Variants in FAM204A observed in about 807,000 individuals in gnomAD.
FAM204A encodes family with sequence similarity 204 member A, also known as protein FAM204A.
Under a neutral mutation model 35.4 loss-of-function variants are expected in FAM204A, and 16 were observed. That is an observed-to-expected ratio of 0.45 (90% confidence interval 0.31 to 0.69). The LOEUF is 0.69. FAM204A is among the 30% of genes least tolerant of loss of function. The pLI, the probability that FAM204A is intolerant of heterozygous loss-of-function variation, is 0.07. For synonymous variants in FAM204A, 76 were observed against 86.9 expected (o/e 0.88, Z 0.70); for missense variants, 240 against 265.7 (o/e 0.90, Z 0.67).
At chr10:118,328,106 G>GT (rs764686409) in intron 6 of FAM204A, among the ~76,000 whole-genome samples, 28 of 152,182 alleles carry the variant, frequency 1.8e-4, no homozygotes, top group Non-Finnish European at 3.8e-4. Context: ...TGCACTTGGA[G>GT]TAAGACTGCT....
chr10:118,336,451 T>A, intron 2 of FAM204A, 28 bp from the exon 3 acceptor site: 1 of 1,559,610 alleles, frequency 6.4e-7, no homozygotes, highest in Non-Finnish European at 8.7e-7. Context: ...AATTTACACA[T>A]GTAGAATAAC....
intron 7 of FAM204A, among the ~76,000 whole-genome samples, chr10:118,320,205 C>A (rs572844078): frequency 8.0e-5 from 12 of 149,796 alleles, no homozygotes; most frequent in Admixed American, 4.0e-4. Context: ...TATTAACTTA[C>A]CTGTATTTTA....
intron 3 of FAM204A, 40 bp downstream of exon 3, chr10:118,336,142 A>C (rs755201942): frequency 6.3e-7 from 1 of 1,592,486 alleles, no homozygotes; most frequent in Non-Finnish European, 8.6e-7. Flanking sequence ...GCATGTGCAC[A>C]CACACAGGCT....
rs1242141527 is a variant in FAM204A, at chr10:118,310,838, C to G, written c.*19G>C. The G allele has an allele frequency of 2.5e-6, 4 of 1,590,420 alleles. No individual in the cohort carries two copies. The highest frequency in any genetic ancestry group is 3.4e-6 in the Non-Finnish European group (4 of 1,170,808). ...ATTGAGCATTTGAGTCTACAAATGT[C>G]TTGAAGCACTCTGGCAAGTTACATG... On this transcript the variant is annotated 3_prime_UTR_variant, in exon 9 of 9. Coordinates refer to ENST00000369183, the MANE Select transcript of FAM204A (RefSeq NM_022063.3).
intron 7 of FAM204A, among the ~76,000 whole-genome samples, chr10:118,325,174 A>T (rs1294391243): frequency 6.6e-6 from 1 of 152,226 alleles, no homozygotes; most frequent in African/African-American, 2.4e-5. Flanking sequence ...GCCAAAAAGA[A>T]AAAGACAAAA....
chr10:118,306,562 A>T lies in FAM204A; in HGVS notation c.*4295T>A, dbSNP rs1169446559. ...CATTCTGCATGGCATTTAATAAACT[A>T]TCTCCCAGAAGCCTATAGCTGTGTT... On this transcript the variant is annotated 3_prime_UTR_variant, in exon 9 of 9. Coordinates refer to ENST00000369183, the MANE Select transcript of FAM204A (RefSeq NM_022063.3). 6 of 152,216 alleles carry T rather than the reference A, an allele frequency of 3.9e-5. No individual in the cohort carries two copies. Among genetic ancestry groups the T allele is most frequent in the African/African-American group, 1.4e-4 (6 of 41,458 alleles). 9.4% of individuals were successfully genotyped at this position (152,216 alleles called of 1,614,324 possible). A position where few individuals can be genotyped will look rare whatever the true frequency, so the allele number is the denominator to read the frequency against.
chr10:118,299,919 T>C lies in FAM204A; in HGVS notation c.*10938A>G, dbSNP rs1845790983. On this transcript the variant is annotated 3_prime_UTR_variant, in exon 9 of 9. Coordinates refer to ENST00000369183, the MANE Select transcript of FAM204A (RefSeq NM_022063.3). ...TTCTGCTATCAATAGGAATCTAAAA[T>C]ACTTGAATTGCTTTAATCCTTTGCT... 1 of 152,242 alleles carries C rather than the reference T, an allele frequency of 6.6e-6. No individual in the cohort carries two copies. Among genetic ancestry groups the C allele is most frequent in the South Asian group, 2.1e-4 (1 of 4,834 alleles). The allele number at this position is 152,242 out of a possible 1,614,324, so 9.4% of individuals were successfully genotyped here.
At chr10:118,322,344 C>T (rs1564758567) in intron 7 of FAM204A, 3 of 456,266 alleles carry the variant, frequency 6.6e-6, no homozygotes, top group Non-Finnish European at 1.3e-5. Context: ...AGGAAAGGGA[C>T]AAAGAGACAG....
chr10:118,330,743 AC>A (rs1253802675), intron 6 of FAM204A, among the ~76,000 whole-genome samples: 1 of 152,146 alleles, frequency 6.6e-6, no homozygotes, highest in Non-Finnish European at 1.5e-5. Context: ...CACTCAAAAC[AC>A]TTAGTAAAAC....
intron 7 of FAM204A, among the ~76,000 whole-genome samples, chr10:118,316,563 T>C (rs1194269242): frequency 6.6e-6 from 1 of 152,196 alleles, no homozygotes; most frequent in East Asian, 1.9e-4. Flanking sequence ...GTTTGCACGT[T>C]TGTATACTAC....
At position 118,335,390 on chromosome 10, in the gene FAM204A, A is replaced by G. The variant is rs760594821; in HGVS notation, c.353+6T>C. The G allele has an allele frequency of 3.1e-5, 49 of 1,590,180 alleles. No homozygotes were observed. The highest frequency in any genetic ancestry group is 2.9e-5 in the Non-Finnish European group (34 of 1,167,638). On this transcript the variant is annotated splice_donor_region_variant and intron_variant, in intron 5 of 8. Transcript: ENST00000369183. ...AAAATAGATAACTATTTTAAATTCT[A>G]CCTACCTATGTAATTCTTTTTCATT...
At position 118,309,037 on chromosome 10, in the gene FAM204A, G is replaced by A. The variant is rs1167803481; in HGVS notation, c.*1820C>T. The A allele has an allele frequency of 1.3e-5, 2 of 152,018 alleles. No homozygotes were observed. The highest frequency in any genetic ancestry group is 2.9e-5 in the Non-Finnish European group (2 of 68,030). 9.4% of individuals were successfully genotyped at this position (152,018 alleles called of 1,614,324 possible). A position where few individuals can be genotyped will look rare whatever the true frequency, so the allele number is the denominator to read the frequency against. On this transcript the variant is annotated 3_prime_UTR_variant, in exon 9 of 9. Transcript: ENST00000369183. ...GTATAGTGAATATTTCCCCCATAATGGATTTTTAGAGGAAAGGTTTCTATA... is the reference window on the plus strand; with the variant it reads ...GTATAGTGAATATTTCCCCCATAATAGATTTTTAGAGGAAAGGTTTCTATA...
At chr10:118,321,835 T>C (rs1846123856) in intron 7 of FAM204A, among the ~76,000 whole-genome samples, 1 of 150,516 alleles carries the variant, frequency 6.6e-6, no homozygotes, top group African/African-American at 2.4e-5. Context: ...AAACTGCACA[T>C]AGAAAGGAAA....
chr10:118,325,493 G>GT (rs1430859216), intron 7 of FAM204A, among the ~76,000 whole-genome samples: 1 of 151,748 alleles, frequency 6.6e-6, no homozygotes, highest in Non-Finnish European at 1.5e-5. Flanking sequence ...TCCTAGAAAG[G>GT]AAAAAAAGGA....
intron 2 of FAM204A, among the ~76,000 whole-genome samples, chr10:118,338,084 A>C (rs568595692): frequency 7.9e-4 from 120 of 152,336 alleles, no homozygotes; most frequent in African/African-American, 2.5e-3. Context: ...GGTAACCTTA[A>C]GCTCCAAGAT....
At chr10:118,326,295 G>T (rs780779071) in intron 6 of FAM204A, 52 bp from the exon 7 acceptor site, 8 of 1,458,864 alleles carry the variant, frequency 5.5e-6, no homozygotes, top group Admixed American at 3.5e-5. Flanking sequence ...GCAAACATTT[G>T]CTAGCCAAGA....
rs1177818640 is a variant in FAM204A, at chr10:118,307,545, A to G, written c.*3312T>C. 1.3e-5 allele frequency: 2 copies of G among 152,208 alleles called. No individual in the cohort carries two copies. Among genetic ancestry groups the G allele is most frequent in the Non-Finnish European group, 2.9e-5 (2 of 68,030 alleles). The allele number at this position is 152,208 out of a possible 1,614,324, so 9.4% of individuals were successfully genotyped here. On this transcript the variant is annotated 3_prime_UTR_variant, in exon 9 of 9. Transcript: ENST00000369183. ...ACATAACATCGGCTTGCCTCCTCAA[A>G]CTTTATCATCTCTTAAAAAATAATG...
chr10:118,339,660 T>C (rs1268795795), intron 2 of FAM204A, among the ~76,000 whole-genome samples: 1 of 152,172 alleles, frequency 6.6e-6, no homozygotes, highest in African/African-American at 2.4e-5. Context: ...ACCCAAATAA[T>C]TTTCAATTTA....
rs1845901301 is a variant in FAM204A, at chr10:118,308,604, A to C, written c.*2253T>G. ...AACCCATGCCCAGAAAGGAGTGACG[A>C]CTTGGGAGAAGTGGCTTCCTTTATT... On this transcript the variant is annotated 3_prime_UTR_variant, in exon 9 of 9. Coordinates refer to ENST00000369183, the MANE Select transcript of FAM204A (RefSeq NM_022063.3). The C allele has an allele frequency of 6.6e-6, 1 of 152,214 alleles. No homozygotes were observed. The highest frequency in any genetic ancestry group is 6.5e-5 in the Admixed American group (1 of 15,288). 9.4% of individuals were successfully genotyped at this position (152,214 alleles called of 1,614,324 possible). A position where few individuals can be genotyped will look rare whatever the true frequency, so the allele number is the denominator to read the frequency against.
Sources: gnomAD v4.1 joint callset for allele counts (sites outside exome capture counted in the v4.1 genomes callset) on GRCh38, gnomAD v4.1.1 for gene constraint, MANE v1.5 for transcripts, NCBI Gene and HGNC (gene_info 2026-07-23, HGNC 2026-07-21) for gene names.